GLRA2: variants seen among roughly 807,000 people sequenced by gnomAD.
The protein encoded by GLRA2 is glycine receptor subunit alpha-2.
A neutral mutation model predicts 31.6 loss-of-function variants in GLRA2; 11 were observed. The observed-to-expected ratio is 0.35, with a 90% confidence interval of 0.22 to 0.58. GLRA2 has a LOEUF of 0.58. GLRA2 is among the 20% of genes least tolerant of loss of function. GLRA2 has a pLI of 0.84. For missense variants in GLRA2, 212 were observed against 351.8 expected (o/e 0.60, Z 3.18); for synonymous variants, 132 against 134.0 (o/e 0.99, Z 0.10).
At chrX:14,582,626 C>T (rs2090034580) in intron 4 of GLRA2, among the ~76,000 whole-genome samples, 1 of 111,474 alleles carries the variant, frequency 9.0e-6, no homozygotes, top group African/African-American at 3.3e-5. Context: ...AATCTAGAAT[C>T]AAATCGAAGC....
chrX:14,491,052 G>T, the GLRA2 span, among the ~76,000 whole-genome samples: 1 of 111,760 alleles, frequency 8.9e-6, no homozygotes, highest in African/African-American at 3.3e-5. Flanking sequence ...TCAAGACTGA[G>T]ATTATAGTCA....
chrX:14,628,990 T>C (rs1033686578), intron 7 of GLRA2, among the ~76,000 whole-genome samples: 1 of 111,450 alleles, frequency 9.0e-6, no homozygotes, highest in African/African-American at 3.3e-5. Flanking sequence ...AGAGGTAGCT[T>C]AGGCGAGATA....
rs1367782757 is a variant in GLRA2 at position 14,529,898 on chromosome X, C to CT, written c.-154dup. On this transcript the variant is annotated 5_prime_UTR_variant, in exon 1 of 9. It introduces an in-frame stop codon into an upstream open reading frame of the 5' UTR. Coordinates refer to ENST00000218075, the MANE Select transcript of GLRA2 (RefSeq NM_002063.4). ...ATGATGCCCAGGACTGGCACTTTTT[C>CT]TTTTTTCTCAGCAAACTGTACAAAA... The CT allele has an allele frequency of 8.3e-6, 4 of 480,380 alleles. No homozygotes were observed. The highest frequency in any genetic ancestry group is 4.8e-5 in the African/African-American group (2 of 41,254). The allele number at this position is 480,380 out of a possible 1,213,427, so 39.6% of individuals were successfully genotyped here. A position where few individuals can be genotyped will look rare whatever the true frequency, so the allele number is the denominator to read the frequency against.
At chrX:14,615,051 G>A (rs11797272) in intron 7 of GLRA2, among the ~76,000 whole-genome samples, 22,415 of 111,035 alleles carry the variant, frequency 0.2, 2,112 homozygotes, top group Non-Finnish European at 0.3. Context: ...TTAGTGTAAG[G>A]CTTTAGTAAA....
chrX:14,708,354 C>T (rs756718994), intron 8 of GLRA2, among the ~76,000 whole-genome samples: 1 of 111,672 alleles, frequency 9.0e-6, no homozygotes. Flanking sequence ...AGGCTTAAAC[C>T]TTCTCACATA....
chrX:14,586,484 C>T (rs1221964076), intron 4 of GLRA2, among the ~76,000 whole-genome samples: 3 of 112,000 alleles, frequency 2.7e-5, no homozygotes, highest in African/African-American at 9.7e-5. Flanking sequence ...ATTTGTAAAC[C>T]TTCTTCAGAG....
At chrX:14,467,901 T>G in the GLRA2 span, among the ~76,000 whole-genome samples, 12 of 111,534 alleles carry the variant, frequency 1.1e-4, no homozygotes, top group Admixed American at 6.7e-4. Context: ...GCATTTCATA[T>G]TAGCCAAAAT....
At chrX:14,511,545 TATG>T in the GLRA2 span, among the ~76,000 whole-genome samples, 1 of 112,023 alleles carries the variant, frequency 8.9e-6, no homozygotes, top group Admixed American at 9.5e-5. Context: ...CAGAGGCTCA[TATG>T]ATAATTGCTC....
chrX:14,663,398 C>A (rs762092713), intron 7 of GLRA2, among the ~76,000 whole-genome samples: 1 of 110,683 alleles, frequency 9.0e-6, no homozygotes, highest in Non-Finnish European at 1.9e-5. Flanking sequence ...TTCTAGTATA[C>A]CTTGAAAAAG....
At position 14,724,965 on chromosome X, in the gene GLRA2, G is replaced by C. The variant is rs374133604; in HGVS notation, c.1081-5242G>C. ...TGGGATTTGATAATGGAAGCCATTT[G>C]GGATTTGATAGGGGCAAAAACGTAC... is the stretch of plus-strand genomic sequence containing the variant. On this transcript the variant is annotated intron_variant, in intron 8 of 8. Transcript: ENST00000218075. Among the ~76,000 whole-genome samples, 3 of 111,558 alleles carry C rather than the reference G, an allele frequency of 2.7e-5. No individual in the cohort carries two copies. In the Admixed American group the frequency reaches 2.9e-4, roughly 11 times the overall value.
chrX:14,586,197 C>T (rs747711502), intron 4 of GLRA2, among the ~76,000 whole-genome samples: 3 of 111,607 alleles, frequency 2.7e-5, no homozygotes, highest in South Asian at 3.7e-4. Flanking sequence ...ACCAGAACTC[C>T]GTAAGTGTCA....
At chrX:14,552,225 A>G (rs1288315796) in intron 2 of GLRA2, among the ~76,000 whole-genome samples, 3 of 111,785 alleles carry the variant, frequency 2.7e-5, no homozygotes, top group Non-Finnish European at 3.8e-5. Context: ...TTGTACAGCT[A>G]TATATGGAAT....
intron 8 of GLRA2, among the ~76,000 whole-genome samples, chrX:14,712,204 A>G (rs1210472369): frequency 2.7e-5 from 3 of 112,545 alleles, no homozygotes; most frequent in African/African-American, 3.2e-5. Context: ...TTGAGATTTG[A>G]TGCTAGATAA....
intron 7 of GLRA2, among the ~76,000 whole-genome samples, chrX:14,668,018 G>T (rs2091052487): frequency 1.8e-5 from 2 of 112,035 alleles, no homozygotes; most frequent in Admixed American, 1.9e-4. Flanking sequence ...AATCTCACAT[G>T]ATTTCATAGC....
At chrX:14,726,918 C>A (rs2091935841) in intron 8 of GLRA2, among the ~76,000 whole-genome samples, 3 of 112,007 alleles carry the variant, frequency 2.7e-5, no homozygotes, top group Admixed American at 1.9e-4. Flanking sequence ...TATGCTTAAT[C>A]ATGAGTTTCT....
chrX:14,575,694 C>T (rs894377108), intron 3 of GLRA2, among the ~76,000 whole-genome samples: 4 of 111,195 alleles, frequency 3.6e-5, no homozygotes, highest in African/African-American at 1.3e-4. Context: ...TTCCTGGCCT[C>T]GAGCAATCCT....
At chrX:14,558,134 A>G (rs1298602327) in intron 2 of GLRA2, among the ~76,000 whole-genome samples, 1 of 112,162 alleles carries the variant, frequency 8.9e-6, no homozygotes, top group Non-Finnish European at 1.9e-5. Context: ...TGTAGTCTCC[A>G]AGATTTCAGT....
chrX:14,643,433 G>C (rs937915140), intron 7 of GLRA2, among the ~76,000 whole-genome samples: 16 of 111,429 alleles, frequency 1.4e-4, no homozygotes, highest in Non-Finnish European at 3.0e-4. Context: ...ATGATAATTG[G>C]GTAGAAAAAA....
intron 7 of GLRA2, among the ~76,000 whole-genome samples, chrX:14,683,910 A>T (rs1359176858): frequency 9.0e-6 from 1 of 110,764 alleles, no homozygotes; most frequent in Non-Finnish European, 1.9e-5. Context: ...TAAAAAAAAA[A>T]GCAGAATCAG....
Sources: gnomAD v4.1 joint callset for allele counts (sites outside exome capture counted in the v4.1 genomes callset) on GRCh38, gnomAD v4.1.1 for gene constraint, MANE v1.5 for transcripts, NCBI Gene and HGNC (gene_info 2026-07-23, HGNC 2026-07-21) for gene names.